The following COMMD1 variants were observed in gnomAD, a reference collection of about 807,000 sequenced individuals.
The protein encoded by COMMD1 is COMM domain-containing protein 1.
Under a neutral mutation model 17.2 loss-of-function variants are expected in COMMD1, and 10 were observed. That is an observed-to-expected ratio of 0.58 (90% CI 0.36 to 0.99). The LOEUF (loss-of-function observed/expected upper bound fraction) is 0.99, where lower values mean the gene tolerates loss of function less well. Among genes scored for constraint, COMMD1 ranks in the 50% least tolerant of loss-of-function variants. The probability of loss-of-function intolerance (pLI) is 0.01; values close to 1 mark genes in which losing one functional copy is unlikely to be tolerated. For synonymous variants in COMMD1, 97 were observed against 91.6 expected (o/e 1.06, Z -0.34); for missense variants, 270 against 231.8 (o/e 1.17, Z -1.07).
intron 2 of COMMD1, among the ~76,000 whole-genome samples, chr2:62,104,433 A>C (rs1387509226): frequency 6.6e-6 from 1 of 151,916 alleles, no homozygotes; most frequent in Non-Finnish European, 1.5e-5. Flanking sequence ...CAGGAGTTCA[A>C]GACCAGCCTG....
intron 1 of COMMD1, among the ~76,000 whole-genome samples, chr2:61,914,779 A>G (rs1348268244): frequency 6.7e-6 from 1 of 149,502 alleles, no homozygotes; most frequent in Non-Finnish European, 1.5e-5. Context: ...CAACCTCCGC[A>G]TCCTGGGTTC....
At chr2:62,086,510 CA>C (rs36086221) in intron 2 of COMMD1, among the ~76,000 whole-genome samples, 37,817 of 117,702 alleles carry the variant, frequency 0.32, 5,670 homozygotes, top group African/African-American at 0.49. Context: ...GACTCCGTCT[CA>C]AAAAAAAAAA....
In COMMD1 at chr2:62,113,092, T is replaced by A. The variant is rs146710898; in HGVS notation, c.463-22739T>A. On this transcript the variant is annotated intron_variant, in intron 2 of 2. Coordinates refer to ENST00000311832, the MANE Select transcript of COMMD1 (RefSeq NM_152516.4). ...TGGACTGGGTGGCCCATGCCTGTAG[T>A]CCCCCTACTTTGGGAGGCAGAGGTG... is the stretch of plus-strand genomic sequence containing the variant. Among the ~76,000 whole-genome samples, 72 of 152,090 alleles carry A rather than the reference T, an allele frequency of 4.7e-4. 1 individual carries two copies. The East Asian group carries it at 8.3e-3, about 18-fold the overall frequency.
intron 2 of COMMD1, among the ~76,000 whole-genome samples, chr2:62,027,847 A>T (rs1203285347): frequency 6.6e-6 from 1 of 151,930 alleles, no homozygotes; most frequent in East Asian, 1.9e-4. Context: ...ATTTTTTTGA[A>T]GAGACAATTT....
intron 2 of COMMD1, chr2:62,100,299 C>G (rs958905947): frequency 6.6e-6 from 1 of 152,064 alleles, no homozygotes; most frequent in Non-Finnish European, 1.5e-5. Flanking sequence ...TCTCTGTGGC[C>G]CCACGTGTTT....
chr2:61,971,520 G>A lies in COMMD1; in HGVS notation c.181-29181G>A, dbSNP rs368891483. Among the ~76,000 whole-genome samples, 3 of 151,818 alleles carry A rather than the reference G, an allele frequency of 2.0e-5. No homozygotes were observed. In the South Asian group the frequency reaches 6.2e-4, roughly 32 times the overall value. The stretch of plus-strand genomic sequence containing the variant: ...CCTGGGCATCTAACAAAGGCAAAAA[G>A]GAAAAAAGAGAAAAAGGAGAAAAAA... On this transcript the variant is annotated intron_variant, in intron 1 of 2. Transcript: ENST00000311832.
At chr2:62,046,339 A>T (rs572394701) in intron 2 of COMMD1, among the ~76,000 whole-genome samples, 1 of 152,260 alleles carries the variant, frequency 6.6e-6, no homozygotes, top group Non-Finnish European at 1.5e-5. Flanking sequence ...AGGTGTTTGT[A>T]TGTGTAATTC....
At chr2:61,945,176 C>G (rs1670874617) in intron 1 of COMMD1, among the ~76,000 whole-genome samples, 1 of 152,098 alleles carries the variant, frequency 6.6e-6, no homozygotes, top group Non-Finnish European at 1.5e-5. Flanking sequence ...GAATGAAAGC[C>G]CAGTTCAGCT....
At chr2:61,924,510 AGTC>A (rs1670277656) in intron 1 of COMMD1, among the ~76,000 whole-genome samples, 1 of 152,018 alleles carries the variant, frequency 6.6e-6, no homozygotes, top group South Asian at 2.1e-4. Context: ...AAGGAGGAGA[AGTC>A]GTCGGCTAGG....
At chr2:61,965,673 A>T (rs1050189161) in intron 1 of COMMD1, among the ~76,000 whole-genome samples, 1 of 152,208 alleles carries the variant, frequency 6.6e-6, no homozygotes, top group Admixed American at 6.5e-5. Flanking sequence ...GTGGTTACTA[A>T]ATGTGCAAAA....
At chr2:62,057,811 A>T (rs901198014) in intron 2 of COMMD1, among the ~76,000 whole-genome samples, 18 of 151,712 alleles carry the variant, frequency 1.2e-4, no homozygotes, top group Middle Eastern at 3.2e-3. Context: ...GGCTCAGGCG[A>T]TCCTCCCACC....
chr2:62,048,089 TCA>T (rs1466533435), intron 2 of COMMD1, among the ~76,000 whole-genome samples: 5 of 152,160 alleles, frequency 3.3e-5, no homozygotes, highest in African/African-American at 1.2e-4. Flanking sequence ...GTATTCTGTT[TCA>T]AGAGAGTCTT....
At chr2:62,093,726 A>G (rs1295406429) in intron 2 of COMMD1, among the ~76,000 whole-genome samples, 1 of 152,148 alleles carries the variant, frequency 6.6e-6, no homozygotes, top group Non-Finnish European at 1.5e-5. Context: ...TTATGATTGC[A>G]AGTTGATTTG....
At chr2:61,914,124 A>C (rs1271124356) in intron 1 of COMMD1, among the ~76,000 whole-genome samples, 1 of 151,950 alleles carries the variant, frequency 6.6e-6, no homozygotes, top group East Asian at 1.9e-4. Context: ...GTGAGCGGAG[A>C]TTGCGCCACT....
intron 2 of COMMD1, among the ~76,000 whole-genome samples, chr2:62,096,157 T>A (rs939354773): frequency 6.6e-6 from 1 of 152,140 alleles, no homozygotes; most frequent in Non-Finnish European, 1.5e-5. Context: ...TATGTAAGTA[T>A]TTTGCTTTTA....
intron 2 of COMMD1, among the ~76,000 whole-genome samples, chr2:62,044,707 T>C (rs1670331803): frequency 6.6e-6 from 1 of 152,036 alleles, no homozygotes; most frequent in African/African-American, 2.4e-5. Context: ...GCAGCCAGTG[T>C]CAAAGAAAAT....
chr2:61,943,759 C>T lies in COMMD1; in HGVS notation c.180+37901C>T, dbSNP rs187018037. On this transcript the variant is annotated intron_variant, in intron 1 of 2. Coordinates refer to ENST00000311832, the MANE Select transcript of COMMD1 (RefSeq NM_152516.4). ...CTTGGACAGGAGAATTGCTTGAACT[C>T]GGGAGGCAGAGCTTGCAGTGGGCCG... Among the ~76,000 whole-genome samples the T allele has an allele frequency of 1.1e-4, 16 of 152,150 alleles. No individual in the cohort carries two copies. The South Asian group carries it at 1.9e-3, about 18-fold the overall frequency.
chr2:62,016,207 T>C (rs974972087), intron 2 of COMMD1, among the ~76,000 whole-genome samples: 131 of 115,544 alleles, frequency 1.1e-3, no homozygotes, highest in African/African-American at 4.6e-3. Flanking sequence ...TTTTCTTTTC[T>C]TTTTTTTTTT....
chr2:62,084,817 C>T (rs1474338177), intron 2 of COMMD1: 3 of 152,128 alleles, frequency 2.0e-5, no homozygotes, highest in Non-Finnish European at 2.9e-5. Context: ...CTGAGACTTA[C>T]ATTTAAAGGG....
Sources: allele counts gnomAD v4.1 joint callset (sites outside exome capture counted in the v4.1 genomes callset), GRCh38; gene constraint gnomAD v4.1.1; transcripts MANE v1.5; gene names NCBI Gene and HGNC (gene_info 2026-07-23, HGNC 2026-07-21).